Variants in RALGAPA2 observed in about 807,000 individuals in gnomAD.
RALGAPA2 encodes the protein ral GTPase-activating protein subunit alpha-2.
In RALGAPA2, 139 loss-of-function variants were observed where a neutral mutation model predicts 230.4. The ratio of observed to expected loss-of-function variants is 0.60; its 90% CI spans 0.53 to 0.69. The LOEUF (loss-of-function observed/expected upper bound fraction) is 0.69, where lower values mean the gene tolerates loss of function less well. Among genes scored for constraint, RALGAPA2 ranks in the 30% least tolerant of loss-of-function variants. The pLI is 0.00. For synonymous variants in RALGAPA2, 847 were observed against 837.8 expected, an observed-to-expected ratio of 1.01 and a Z score of -0.19; for missense variants, 2,163 against 2,276.0, an observed-to-expected ratio of 0.95 and a Z score of 1.01.
chr20:20,661,942 T>A (rs2067796204), intron 3 of RALGAPA2, among the ~76,000 whole-genome samples: 1 of 152,134 alleles, frequency 6.6e-6, no homozygotes, highest in Admixed American at 6.5e-5. Context: ...TAACATAGCA[T>A]GAAAATAAAA....
intron 1 of RALGAPA2, among the ~76,000 whole-genome samples, chr20:20,688,701 A>C (rs2146895170): frequency 6.6e-6 from 1 of 152,356 alleles, no homozygotes; most frequent in African/African-American, 2.4e-5. Flanking sequence ...ATTCAGCCAA[A>C]GCACAGGTAT....
intron 37 of RALGAPA2, among the ~76,000 whole-genome samples, chr20:20,453,434 C>T (rs577470180): frequency 1.3e-5 from 2 of 152,250 alleles, no homozygotes; most frequent in South Asian, 2.1e-4. Context: ...GTGCTGTGGA[C>T]CCCAATCTGA....
intron 3 of RALGAPA2, among the ~76,000 whole-genome samples, chr20:20,655,799 A>G (rs2067570372): frequency 6.6e-6 from 1 of 152,168 alleles, no homozygotes; most frequent in South Asian, 2.1e-4. Context: ...TAAAGAGAAC[A>G]TATAATAGTG....
chr20:20,531,013 G>C (rs1280915865), intron 27 of RALGAPA2, among the ~76,000 whole-genome samples: 5 of 152,176 alleles, frequency 3.3e-5, no homozygotes, highest in Admixed American at 3.3e-4. Flanking sequence ...CAGCACCTGT[G>C]AAAGTTCAAG....
chr20:20,582,626 A>G (rs1453402152), intron 20 of RALGAPA2, among the ~76,000 whole-genome samples: 1 of 152,178 alleles, frequency 6.6e-6, no homozygotes, highest in Non-Finnish European at 1.5e-5. Context: ...AAGGACCTCT[A>G]GGAGACCTCA....
chr20:20,624,354 G>A (rs113126436), intron 10 of RALGAPA2, among the ~76,000 whole-genome samples: 1,534 of 144,426 alleles, frequency 0.011, 29 homozygotes, highest in African/African-American at 0.037. Flanking sequence ...AAAAAAGAAA[G>A]GCAAAAGAAA....
At chr20:20,529,419 A>C (rs760356081) in intron 27 of RALGAPA2, among the ~76,000 whole-genome samples, 1 of 152,240 alleles carries the variant, frequency 6.6e-6, no homozygotes, top group Non-Finnish European at 1.5e-5. Context: ...TGCAGAAAGA[A>C]TATCTATCCC....
chr20:20,499,282 AT>A (rs1240340078), intron 35 of RALGAPA2, among the ~76,000 whole-genome samples: 1 of 152,176 alleles, frequency 6.6e-6, no homozygotes, highest in Non-Finnish European at 1.5e-5. Context: ...TTAGAACATT[AT>A]TTACAGCTTG....
intron 18 of RALGAPA2, among the ~76,000 whole-genome samples, chr20:20,588,853 C>T (rs1312416559): frequency 1.3e-5 from 2 of 151,332 alleles, no homozygotes; most frequent in African/African-American, 2.4e-5. Context: ...TAAATAAATG[C>T]CATTTTATGT....
chr20:20,675,736 T>G (rs1343946111), intron 3 of RALGAPA2, among the ~76,000 whole-genome samples: 2 of 152,134 alleles, frequency 1.3e-5, no homozygotes, highest in Admixed American at 1.3e-4. Flanking sequence ...ACCTCACTAG[T>G]AGAAAAATAT....
At chr20:20,619,915 T>C (rs185625633) in intron 11 of RALGAPA2, among the ~76,000 whole-genome samples, 2 of 152,340 alleles carry the variant, frequency 1.3e-5, no homozygotes, top group South Asian at 2.1e-4. Flanking sequence ...CACTCTGTCA[T>C]TTTGGATTTA....
chr20:20,649,490 A>G (rs533212408), intron 4 of RALGAPA2, among the ~76,000 whole-genome samples: 2 of 152,348 alleles, frequency 1.3e-5, no homozygotes, highest in South Asian at 2.1e-4. Flanking sequence ...CATTATGTAT[A>G]TAAAAAACCT....
chr20:20,540,908 T>C (rs1229423208), intron 24 of RALGAPA2, among the ~76,000 whole-genome samples: 1 of 152,074 alleles, frequency 6.6e-6, no homozygotes, highest in Non-Finnish European at 1.5e-5. Flanking sequence ...TGATGTCAAA[T>C]CTCATTCTAG....
rs994181975 is a variant in RALGAPA2 at position 20,511,115 on chromosome 20, C to T, written c.4928+139G>A. The T allele has an allele frequency of 3.2e-5, 44 of 1,384,016 alleles. No homozygotes were observed. In the African/African-American group the frequency reaches 3.7e-4, roughly 12 times the overall value. The allele number at this position is 1,384,016 out of a possible 1,614,324, so 85.7% of individuals were successfully genotyped here. On this transcript the variant is annotated intron_variant, in intron 33 of 39. Coordinates refer to ENST00000202677, the MANE Select transcript of RALGAPA2 (RefSeq NM_020343.4). The stretch of plus-strand genomic sequence containing the variant: ...TAAAAAACACCAACGGTATGGCATG[C>T]GCAAATGTCACCAGATGCTAGGTTA...
At chr20:20,625,315 T>G (rs975008379) in intron 10 of RALGAPA2, among the ~76,000 whole-genome samples, 8 of 152,222 alleles carry the variant, frequency 5.3e-5, no homozygotes, top group Non-Finnish European at 8.8e-5. Flanking sequence ...TATACACATA[T>G]AGAAAGACCA....
At chr20:20,537,619 CAAA>C (rs373034061) in intron 24 of RALGAPA2, among the ~76,000 whole-genome samples, 2,094 of 40,956 alleles carry the variant, frequency 0.051, 44 homozygotes, top group African/African-American at 0.14. Context: ...GACTCCATCT[CAAA>C]AAAAAAAAAA....
At chr20:20,446,277 G>C (rs1240303373) in intron 37 of RALGAPA2, among the ~76,000 whole-genome samples, 2 of 152,090 alleles carry the variant, frequency 1.3e-5, no homozygotes, top group Non-Finnish European at 2.9e-5. Flanking sequence ...ATAAAAACAA[G>C]TGAAAAACAT....
intron 3 of RALGAPA2, among the ~76,000 whole-genome samples, chr20:20,657,637 T>A (rs1026130172): frequency 6.6e-6 from 1 of 152,192 alleles, no homozygotes; most frequent in Non-Finnish European, 1.5e-5. Flanking sequence ...GTTCTCCCCA[T>A]GCTTTCTGTG....
At chr20:20,481,902 C>A (rs780530559) in intron 36 of RALGAPA2, among the ~76,000 whole-genome samples, 6 of 152,122 alleles carry the variant, frequency 3.9e-5, no homozygotes, top group Non-Finnish European at 8.8e-5. Flanking sequence ...AAATGCCCTA[C>A]CAACCCCGAA....
Sources: allele counts gnomAD v4.1 joint callset (sites outside exome capture counted in the v4.1 genomes callset), GRCh38; gene constraint gnomAD v4.1.1; transcripts MANE v1.5; gene names NCBI Gene and HGNC (gene_info 2026-07-23, HGNC 2026-07-21).